The following SCHIP1 variants were observed in gnomAD, a reference collection of about 807,000 sequenced individuals.
The protein encoded by SCHIP1 is schwannomin-interacting protein 1.
SCHIP1 carries 8 observed loss-of-function variants against 29.7 expected under a neutral mutation model. The observed-to-expected ratio is 0.27, with a 90% CI of 0.16 to 0.49. The LOEUF is 0.49. Ranked by LOEUF, SCHIP1 falls within the 20% of genes least tolerant of loss-of-function variation. SCHIP1 has a pLI of 0.99. For missense variants in SCHIP1, 193 were observed against 294.6 expected (o/e 0.66, Z 2.52); for synonymous variants, 76 against 94.9 (o/e 0.80, Z 1.16).
the SCHIP1 span, among the ~76,000 whole-genome samples, chr3:159,652,602 A>G: frequency 6.6e-6 from 1 of 152,142 alleles, no homozygotes; most frequent in African/African-American, 2.4e-5. Context: ...AAGTGCCATG[A>G]AGGACATACT....
the SCHIP1 span, among the ~76,000 whole-genome samples, chr3:159,392,485 C>T: frequency 0.18 from 26,047 of 148,406 alleles, 2,500 homozygotes; most frequent in Middle Eastern, 0.29. Context: ...CAACAGGCCC[C>T]AGAGTGTGTT....
the SCHIP1 span, among the ~76,000 whole-genome samples, chr3:159,434,479 C>T: frequency 6.6e-6 from 1 of 152,064 alleles, no homozygotes; most frequent in East Asian, 1.9e-4. Flanking sequence ...CATTAGCTCT[C>T]TGTTGTCAGG....
At chr3:159,830,268 A>G in the SCHIP1 span, among the ~76,000 whole-genome samples, 1 of 152,178 alleles carries the variant, frequency 6.6e-6, no homozygotes, top group Non-Finnish European at 1.5e-5. Flanking sequence ...TCATGTTCTC[A>G]TTGAGAGACA....
the SCHIP1 span, among the ~76,000 whole-genome samples, chr3:159,715,529 A>C: frequency 6.6e-6 from 1 of 152,250 alleles, no homozygotes; most frequent in African/African-American, 2.4e-5. Flanking sequence ...ATGGCTAACT[A>C]GAATAAACAG....
At chr3:159,531,078 G>A in the SCHIP1 span, among the ~76,000 whole-genome samples, 40 of 152,240 alleles carry the variant, frequency 2.6e-4, no homozygotes, top group African/African-American at 8.9e-4. Context: ...CACCTCAAGA[G>A]ACCCTAAAAG....
intron 1 of SCHIP1, among the ~76,000 whole-genome samples, chr3:159,865,434 T>C (rs549473541): frequency 6.6e-6 from 1 of 152,232 alleles, no homozygotes; most frequent in East Asian, 1.9e-4. Context: ...AGTAGTGTAG[T>C]TTACCAAATC....
At chr3:159,650,165 C>T in the SCHIP1 span, among the ~76,000 whole-genome samples, 1 of 152,096 alleles carries the variant, frequency 6.6e-6, no homozygotes, top group African/African-American at 2.4e-5. Flanking sequence ...ATTCTGTCCC[C>T]TCTTTGTTCT....
At chr3:159,296,958 C>T in the SCHIP1 span, among the ~76,000 whole-genome samples, 4 of 152,070 alleles carry the variant, frequency 2.6e-5, no homozygotes, top group Non-Finnish European at 5.9e-5. Context: ...AACTATCGTT[C>T]TACTGTCTAC....
At chr3:159,730,321 T>A in the SCHIP1 span, among the ~76,000 whole-genome samples, 1 of 152,162 alleles carries the variant, frequency 6.6e-6, no homozygotes, top group Non-Finnish European at 1.5e-5. Flanking sequence ...AAAATGGGGA[T>A]GATGACCATT....
the SCHIP1 span, among the ~76,000 whole-genome samples, chr3:159,432,461 TGTTA>T: frequency 6.6e-6 from 1 of 152,118 alleles, no homozygotes; most frequent in Non-Finnish European, 1.5e-5. Context: ...TACTGCATTC[TGTTA>T]GTTAGAAGTA....
At chr3:159,376,172 A>T in the SCHIP1 span, among the ~76,000 whole-genome samples, 1 of 152,208 alleles carries the variant, frequency 6.6e-6, no homozygotes, top group African/African-American at 2.4e-5. Context: ...GGATGCAACC[A>T]TTAGAAAAAG....
chr3:159,330,900 C>T, the SCHIP1 span, among the ~76,000 whole-genome samples: 2 of 152,150 alleles, frequency 1.3e-5, no homozygotes, highest in South Asian at 4.1e-4. Context: ...CTACTTCCTT[C>T]CTCAAGGTGA....
the SCHIP1 span, among the ~76,000 whole-genome samples, chr3:159,366,746 C>T: frequency 6.6e-5 from 10 of 152,210 alleles, 1 homozygote; most frequent in Admixed American, 5.2e-4. Flanking sequence ...CTGCCCACAT[C>T]TCCCACTATG....
At chr3:159,668,862 G>A in the SCHIP1 span, among the ~76,000 whole-genome samples, 313 of 151,908 alleles carry the variant, frequency 2.1e-3, no homozygotes, top group African/African-American at 7.3e-3. Context: ...TTTTTCACAA[G>A]CAAATAAGTG....
At chr3:159,682,375 T>C in the SCHIP1 span, among the ~76,000 whole-genome samples, 1 of 152,186 alleles carries the variant, frequency 6.6e-6, no homozygotes, top group African/African-American at 2.4e-5. Context: ...AGGGCTCAGC[T>C]TCAACTAAGT....
At chr3:159,805,548 C>T in the SCHIP1 span, among the ~76,000 whole-genome samples, 1 of 152,310 alleles carries the variant, frequency 6.6e-6, no homozygotes, top group South Asian at 2.1e-4. Flanking sequence ...TCAGCAACCT[C>T]AGAACACTCT....
At chr3:159,292,405 G>A in the SCHIP1 span, among the ~76,000 whole-genome samples, 1 of 152,192 alleles carries the variant, frequency 6.6e-6, no homozygotes, top group African/African-American at 2.4e-5. Flanking sequence ...GTCTTGGTTA[G>A]TTGGCTAGTT....
the SCHIP1 span, among the ~76,000 whole-genome samples, chr3:159,367,747 C>A: frequency 6.6e-6 from 1 of 151,854 alleles, no homozygotes; most frequent in Non-Finnish European, 1.5e-5. Flanking sequence ...TCCAAAATGC[C>A]CTCACCCTAG....
At chr3:159,377,437 C>T in the SCHIP1 span, among the ~76,000 whole-genome samples, 1 of 152,182 alleles carries the variant, frequency 6.6e-6, no homozygotes, top group Non-Finnish European at 1.5e-5. Flanking sequence ...TTGTTGTAAT[C>T]TACAGACCTA....
Sources: allele counts gnomAD v4.1 joint callset (sites outside exome capture counted in the v4.1 genomes callset), GRCh38; gene constraint gnomAD v4.1.1; transcripts MANE v1.5; gene names NCBI Gene and HGNC (gene_info 2026-07-23, HGNC 2026-07-21).